GPAM: variants seen among roughly 807,000 people sequenced by gnomAD.
The protein encoded by GPAM is glycerol-3-phosphate acyltransferase, mitochondrial, also known as glycerol-3-phosphate acyltransferase 1, mitochondrial.
GPAM carries 56 observed loss-of-function variants against 105.0 expected under a neutral mutation model. The ratio of observed to expected loss-of-function variants is 0.53; its 90% CI spans 0.43 to 0.67. The LOEUF is 0.67. Among genes scored for constraint, GPAM ranks in the 30% least tolerant of loss-of-function variants. The probability of loss-of-function intolerance (pLI) is 0.00; values close to 1 mark genes in which losing one functional copy is unlikely to be tolerated. For missense variants in GPAM, 855 were observed against 989.8 expected, an observed-to-expected ratio of 0.86 and a Z score of 1.83; for synonymous variants, 368 against 354.4, an observed-to-expected ratio of 1.04 and a Z score of -0.43.
At chr10:112,190,340 C>G (rs759334132) in intron 1 of GPAM, among the ~76,000 whole-genome samples, 1 of 151,804 alleles carries the variant, frequency 6.6e-6, no homozygotes, top group Non-Finnish European at 1.5e-5. Flanking sequence ...CCCGTCTCTA[C>G]TAAAAATACA....
upstream of GPAM, among the ~76,000 whole-genome samples, chr10:112,184,770 G>A (rs1424926704): frequency 6.6e-6 from 1 of 152,170 alleles, no homozygotes; most frequent in Non-Finnish European, 1.5e-5. Flanking sequence ...GGGAGAGCAG[G>A]GAGGCCAAAG....
the GPAM span, among the ~76,000 whole-genome samples, chr10:112,225,650 C>T: frequency 7.7e-4 from 117 of 152,272 alleles, 1 homozygote; most frequent in Non-Finnish European, 1.4e-3. Flanking sequence ...GTAAAGCCCT[C>T]TCTGACCTCT....
chr10:112,166,920 T>G (rs115772691), intron 11 of GPAM, among the ~76,000 whole-genome samples: 2,653 of 152,272 alleles, frequency 0.017, 85 homozygotes, highest in African/African-American at 0.061. Flanking sequence ...AGTCTAAATG[T>G]CTAATATTAG....
the GPAM span, among the ~76,000 whole-genome samples, chr10:112,226,828 C>T: frequency 3.3e-5 from 5 of 152,120 alleles, no homozygotes; most frequent in African/African-American, 7.2e-5. Context: ...CCAGAGGCCA[C>T]GAGGGGTTTT....
intron 1 of GPAM, among the ~76,000 whole-genome samples, chr10:112,198,956 C>CTCTG (rs1011132275): frequency 5.3e-5 from 8 of 151,342 alleles, no homozygotes; most frequent in African/African-American, 1.9e-4. Flanking sequence ...CGGAGTCTTG[C>CTCTG]TCTGTCGCCA....
intron 4 of GPAM, 109 bp downstream of exon 4, chr10:112,180,364 A>G (rs1167104142): frequency 9.9e-7 from 1 of 1,013,422 alleles, no homozygotes; most frequent in Non-Finnish European, 1.5e-6. Flanking sequence ...GTTCATAAAC[A>G]TGGGTCTCTG....
At chr10:112,179,644 C>T (rs1481837523) in intron 4 of GPAM, among the ~76,000 whole-genome samples, 3 of 152,142 alleles carry the variant, frequency 2.0e-5, no homozygotes, top group African/African-American at 7.2e-5. Context: ...TCTGCCAAAC[C>T]AACCTTGAGT....
intron 4 of GPAM, among the ~76,000 whole-genome samples, chr10:112,179,955 C>T (rs965171542): frequency 1.3e-5 from 2 of 152,150 alleles, no homozygotes; most frequent in Non-Finnish European, 2.9e-5. Flanking sequence ...TGTGTTTTTT[C>T]ACCAAAATAC....
chr10:112,168,277 A>G, intron 11 of GPAM, 35 bp downstream of exon 11: 1 of 1,188,754 alleles, frequency 8.4e-7, no homozygotes, highest in East Asian at 2.3e-5. Context: ...AAAAGACTTG[A>G]TAAGCAAAGA....
intron 3 of GPAM, among the ~76,000 whole-genome samples, chr10:112,181,166 T>A (rs1328301537): frequency 6.6e-6 from 1 of 151,130 alleles, no homozygotes; most frequent in African/African-American, 2.4e-5. Flanking sequence ...TATACAGATA[T>A]AACATTCTCA....
At chr10:112,155,204 T>G (rs953739891) in intron 20 of GPAM, 1 of 174,346 alleles carries the variant, frequency 5.7e-6, no homozygotes, top group African/African-American at 2.4e-5. Flanking sequence ...TTAGATTAGA[T>G]TCCTTTTGGC....
At chr10:112,193,945 C>A (rs369566385) in intron 1 of GPAM, among the ~76,000 whole-genome samples, 1 of 152,162 alleles carries the variant, frequency 6.6e-6, no homozygotes, top group African/African-American at 2.4e-5. Context: ...CTCATATGAA[C>A]CCTTAAAGTT....
In GPAM at chr10:112,151,605, C is replaced by T. The variant is rs111357154; in HGVS notation, c.*1945G>A. ...AAAGGGAAAATAATGCAAGAGAAGCCGTATTTTCTTTGCTTAGGTTGGCAA... is the reference window on the plus strand; with the variant it reads ...AAAGGGAAAATAATGCAAGAGAAGCTGTATTTTCTTTGCTTAGGTTGGCAA... On this transcript the variant is annotated 3_prime_UTR_variant, in exon 22 of 22. Transcript: ENST00000348367. The T allele has an allele frequency of 2.5e-5, 25 of 985,576 alleles. No homozygotes were observed. The highest frequency in any genetic ancestry group is 5.2e-4 in the Middle Eastern group (1 of 1,914). 61.1% of individuals were successfully genotyped at this position (985,576 alleles called of 1,614,324 possible).
At chr10:112,214,863 G>A (rs1020328521) in intron 1 of GPAM, among the ~76,000 whole-genome samples, 1 of 152,224 alleles carries the variant, frequency 6.6e-6, no homozygotes, top group East Asian at 1.9e-4. Flanking sequence ...AGGATTTCAT[G>A]GAGGCCAAAA....
At chr10:112,172,143 CT>C (rs755999126) in intron 9 of GPAM, 38 bp downstream of exon 9, 1 of 1,466,088 alleles carries the variant, frequency 6.8e-7, no homozygotes, top group Non-Finnish European at 9.6e-7. Context: ...AAAACATAAT[CT>C]TTTTAATTCC....
intron 12 of GPAM, among the ~76,000 whole-genome samples, chr10:112,165,992 C>T (rs1291863066): frequency 2.0e-5 from 3 of 151,892 alleles, no homozygotes; most frequent in African/African-American, 7.3e-5. Context: ...ACCTCAAACA[C>T]TTAGCTTTTT....
intron 2 of GPAM, among the ~76,000 whole-genome samples, chr10:112,182,220 C>G (rs868332484): frequency 1.3e-5 from 2 of 152,068 alleles, no homozygotes; most frequent in Non-Finnish European, 2.9e-5. Context: ...AGAGCTTATT[C>G]TTATTTCATT....
chr10:112,207,902 A>G (rs1847869118), intron 1 of GPAM, among the ~76,000 whole-genome samples: 2 of 152,352 alleles, frequency 1.3e-5, no homozygotes, highest in Non-Finnish European at 2.9e-5. Flanking sequence ...ACAGCTAAAT[A>G]TGTAAGCATT....
intron 9 of GPAM, among the ~76,000 whole-genome samples, chr10:112,169,171 T>C (rs527451480): frequency 1.8e-4 from 27 of 152,350 alleles, no homozygotes; most frequent in Admixed American, 6.5e-4. Context: ...CTGTGTATAA[T>C]GAGCCTCTAT....
Sources: gnomAD v4.1 joint callset for allele counts (sites outside exome capture counted in the v4.1 genomes callset) on GRCh38, gnomAD v4.1.1 for gene constraint, MANE v1.5 for transcripts, NCBI Gene and HGNC (gene_info 2026-07-23, HGNC 2026-07-21) for gene names.